Variants in HMGN1 observed in about 807,000 individuals in gnomAD.
HMGN1 encodes the protein non-histone chromosomal protein HMG-14.
In HMGN1, 9 loss-of-function variants were observed where a neutral mutation model predicts 18.4. That is an observed-to-expected ratio of 0.49 (90% CI 0.29 to 0.85). HMGN1 has a LOEUF of 0.85. Ranked by LOEUF, HMGN1 falls within the 40% of genes least tolerant of loss-of-function variation. The pLI is 0.07. For missense variants in HMGN1, 151 were observed against 119.2 expected (o/e 1.27, Z -1.24); for synonymous variants, 59 against 45.0 (o/e 1.31, Z -1.24).
chr21:39,347,642 T>C (rs773700566), intron 4 of HMGN1: 5 of 330,882 alleles, frequency 1.5e-5, no homozygotes, highest in Non-Finnish European at 3.0e-5. Flanking sequence ...TTATACTTGT[T>C]TTACACATGT....
chr21:39,347,580 C>A (rs1168872545), intron 4 of HMGN1: 3 of 470,876 alleles, frequency 6.4e-6, no homozygotes, highest in Non-Finnish European at 1.3e-5. Context: ...AATCACCCCG[C>A]GAAGAACATG....
chr21:39,344,231 G>T (rs2036962226), intron 5 of HMGN1, among the ~76,000 whole-genome samples: 1 of 127,164 alleles, frequency 7.9e-6, no homozygotes, highest in African/African-American at 3.2e-5. Context: ...ACTCCAGCTT[G>T]GGCAACAAGA....
intron 5 of HMGN1, among the ~76,000 whole-genome samples, chr21:39,343,669 T>G (rs2036942243): frequency 6.6e-6 from 1 of 152,228 alleles, no homozygotes; most frequent in Non-Finnish European, 1.5e-5. Context: ...GATGTGAATT[T>G]AACATACATT....
In HMGN1 at chr21:39,344,106, A is replaced by G. The variant is rs1275525984; in HGVS notation, c.256-947T>C. Reference sequence around the variant, plus strand: ...CCCGTTTCTACTAAAAATACAAAAAATTAGTTGGGTGTGGGGATGCACGCC... The same window carrying G: ...CCCGTTTCTACTAAAAATACAAAAAGTTAGTTGGGTGTGGGGATGCACGCC... On this transcript the variant is annotated intron_variant, in intron 5 of 5. Coordinates refer to ENST00000380749, the MANE Select transcript of HMGN1 (RefSeq NM_004965.7). Among the ~76,000 whole-genome samples, 3 of 152,080 alleles carry G rather than the reference A, an allele frequency of 2.0e-5. No homozygotes were observed. The East Asian group carries it at 5.8e-4, about 29-fold the overall frequency.
chr21:39,346,100 G>C, intron 4 of HMGN1: 1 of 464,150 alleles, frequency 2.2e-6, no homozygotes, highest in Non-Finnish European at 3.8e-6. Flanking sequence ...TTCCTTGTTA[G>C]TAAGTATACA....
In HMGN1 at chr21:39,345,276, T is replaced by C. The variant is rs1414021857; in HGVS notation, c.127-2A>G. 1 of 1,610,316 alleles carries C rather than the reference T, an allele frequency of 6.2e-7. No homozygotes were observed. Among genetic ancestry groups the C allele is most frequent in the Non-Finnish European group, 8.5e-7 (1 of 1,177,070 alleles). ...CACTTTTTTGTCTGAAGATTTATCC[T>C]ATGATAGAATAAGAATATATTTTAA... On this transcript the variant is annotated splice_acceptor_variant, in intron 4 of 5. Coordinates refer to ENST00000380749, the MANE Select transcript of HMGN1 (RefSeq NM_004965.7). LOFTEE classifies it high-confidence loss of function.
intron 4 of HMGN1, chr21:39,347,079 C>CACACACACA (rs1555884218): frequency 6.5e-6 from 1 of 154,518 alleles, no homozygotes; most frequent in African/African-American, 2.4e-5. Flanking sequence ...CACACACACA[C>CACACACACA]AATAAAAAAA....
chr21:39,345,144 ACCT>A lies in HMGN1; in HGVS notation c.254_255+1del, dbSNP rs755008202. The A allele has an allele frequency of 1.4e-5, 19 of 1,341,908 alleles. No individual in the cohort carries two copies. The South Asian group carries it at 2.1e-4, about 15-fold the overall frequency. 83.1% of individuals were successfully genotyped at this position (1,341,908 alleles called of 1,614,324 possible). A position where few individuals can be genotyped will look rare whatever the true frequency, so the allele number is the denominator to read the frequency against. On this transcript the variant is annotated splice_donor_variant and coding_sequence_variant, in exon 5 of 6. Coordinates refer to ENST00000380749, the MANE Select transcript of HMGN1 (RefSeq NM_004965.7). LOFTEE classifies it high-confidence loss of function. ...ACACACACACACACACACACTTCTGACCTCCTCAGTCTTCGTTTCCCCGTTTTC... is the reference window on the plus strand; with the variant it reads ...ACACACACACACACACACACTTCTGACCTCAGTCTTCGTTTCCCCGTTTTC...
intron 3 of HMGN1, 36 bp from the exon 4 acceptor site, chr21:39,348,375 G>T: frequency 6.2e-7 from 1 of 1,614,130 alleles, no homozygotes; most frequent in Non-Finnish European, 8.5e-7. Flanking sequence ...GTCCTCACCC[G>T]GGACGACCCG....
chr21:39,345,742 A>T (rs2037028746), intron 4 of HMGN1: 2 of 953,824 alleles, frequency 2.1e-6, no homozygotes, highest in African/African-American at 3.4e-5. Context: ...AGTCTCGTCG[A>T]CCGTATTCCC....
At chr21:39,348,491 CA>C (rs1429184486) in intron 2 of HMGN1, 40 bp from the exon 3 acceptor site, 2 of 1,614,126 alleles carry the variant, frequency 1.2e-6, no homozygotes, top group South Asian at 2.2e-5. Context: ...GAAGAGAAGG[CA>C]GGCCAGCGGC....
intron 4 of HMGN1, chr21:39,345,786 T>C (rs1226814055): frequency 1.7e-5 from 22 of 1,288,554 alleles, no homozygotes; most frequent in Non-Finnish European, 2.1e-5. Flanking sequence ...ACTTCAACAA[T>C]ACTGTCCTCA....
chr21:39,347,694 C>A (rs2037105141), intron 4 of HMGN1: 2 of 296,272 alleles, frequency 6.8e-6, no homozygotes, highest in Admixed American at 9.4e-5. Context: ...CACGTACACC[C>A]AAAGCCAACT....
intron 2 of HMGN1, 28 bp from the exon 3 acceptor site, chr21:39,348,479 G>C (rs369155155): frequency 9.3e-6 from 15 of 1,614,012 alleles, no homozygotes; most frequent in Non-Finnish European, 1.2e-5. Context: ...GAGAGTCAGC[G>C]AGAAGAGAAG....
chr21:39,343,892 T>C (rs1356359880), intron 5 of HMGN1, among the ~76,000 whole-genome samples: 2 of 152,192 alleles, frequency 1.3e-5, no homozygotes, highest in Non-Finnish European at 2.9e-5. Context: ...GTCAAGTTCT[T>C]CCTTTAAAAT....
At chr21:39,348,683 G>A (rs1181698634) in intron 1 of HMGN1, 106 bp from the exon 2 acceptor site, 53 of 1,366,298 alleles carry the variant, frequency 3.9e-5, no homozygotes, top group East Asian at 2.0e-4. Context: ...ACGGCTTCCC[G>A]CCGCCCCGTT....
intron 5 of HMGN1, among the ~76,000 whole-genome samples, chr21:39,343,831 A>T (rs989137185): frequency 2.0e-5 from 3 of 152,240 alleles, no homozygotes; most frequent in Non-Finnish European, 2.9e-5. Flanking sequence ...TTAATAGAAC[A>T]CAGCTATAAA....
chr21:39,348,040 T>C (rs779723836), intron 4 of HMGN1: 444 of 1,080,070 alleles, frequency 4.1e-4, no homozygotes, highest in Middle Eastern at 1.6e-3. Context: ...AAATTTCCTT[T>C]GTAGACTTAA....
chr21:39,345,832 G>GA (rs780720201), intron 4 of HMGN1: 76 of 1,300,494 alleles, frequency 5.8e-5, no homozygotes, highest in Admixed American at 9.2e-5. Context: ...CCAATCACCT[G>GA]AAAAAAAGCA....
Sources: allele counts gnomAD v4.1 joint callset (sites outside exome capture counted in the v4.1 genomes callset), GRCh38; gene constraint gnomAD v4.1.1; transcripts MANE v1.5; gene names NCBI Gene and HGNC (gene_info 2026-07-23, HGNC 2026-07-21).